The following NAV3 variants were observed in gnomAD, a reference collection of about 807,000 sequenced individuals.
NAV3 encodes the protein pore membrane and/or filament interacting like protein 1.
Under a neutral mutation model 244.7 loss-of-function variants are expected in NAV3, and 87 were observed. That is an observed-to-expected ratio of 0.36 (90% CI 0.30 to 0.42). The LOEUF (loss-of-function observed/expected upper bound fraction) is 0.42. Ranked by LOEUF, NAV3 falls within the 20% of genes least tolerant of loss-of-function variation. NAV3 has a pLI of 1.00. For synonymous variants in NAV3, 1,126 were observed against 1,042.2 expected (o/e 1.08, Z -1.55); for missense variants, 2,663 against 2,893.3 (o/e 0.92, Z 1.83).
At chr12:78,173,538 T>A (rs2595028) in intron 24 of NAV3, among the ~76,000 whole-genome samples, 7,392 of 151,704 alleles carry the variant, frequency 0.049, 193 homozygotes, top group Non-Finnish European at 0.071. Context: ...AAGAAATACC[T>A]ACACATATTC....
At chr12:78,169,743 C>T (rs1957927589) in intron 24 of NAV3, among the ~76,000 whole-genome samples, 1 of 151,704 alleles carries the variant, frequency 6.6e-6, no homozygotes, top group African/African-American at 2.4e-5. Context: ...CAATGCTCTC[C>T]AGGATCAGCA....
chr12:78,167,132 C>T (rs967430486), intron 23 of NAV3, among the ~76,000 whole-genome samples: 11 of 151,466 alleles, frequency 7.3e-5, no homozygotes, highest in South Asian at 4.2e-4. Context: ...TATTAAGTTT[C>T]GGTAAAATCT....
intron 1 of NAV3, among the ~76,000 whole-genome samples, chr12:77,853,084 A>G (rs1394824369): frequency 6.6e-6 from 1 of 152,212 alleles, no homozygotes; most frequent in Admixed American, 6.5e-5. Context: ...GTTGTACCAG[A>G]TTGCTTTCTT....
At chr12:77,689,770 A>G (rs1045173439) in intron 2 of NAV3, among the ~76,000 whole-genome samples, 5 of 151,880 alleles carry the variant, frequency 3.3e-5, no homozygotes, top group African/African-American at 1.2e-4. Flanking sequence ...TTAAGGCAAT[A>G]ATTAAAATGG....
chr12:77,762,268 G>A (rs1052270485), intron 2 of NAV3, among the ~76,000 whole-genome samples: 1 of 152,096 alleles, frequency 6.6e-6, no homozygotes, highest in East Asian at 1.9e-4. Flanking sequence ...TCACACATCG[G>A]GGCCTGTCGG....
upstream of NAV3, among the ~76,000 whole-genome samples, chr12:77,827,719 C>G (rs938369009): frequency 2.0e-5 from 3 of 152,136 alleles, no homozygotes; most frequent in African/African-American, 7.2e-5. Flanking sequence ...TGAACACTTA[C>G]TATGTGGAAA....
At chr12:78,089,002 C>T (rs1953782037) in intron 12 of NAV3, among the ~76,000 whole-genome samples, 1 of 152,156 alleles carries the variant, frequency 6.6e-6, no homozygotes, top group South Asian at 2.1e-4. Flanking sequence ...TCATTGATCT[C>T]TTAGCATTTG....
chr12:77,856,840 A>G (rs1878462028), intron 1 of NAV3, among the ~76,000 whole-genome samples: 1 of 152,158 alleles, frequency 6.6e-6, no homozygotes, highest in Admixed American at 6.5e-5. Context: ...TCAATTCAAA[A>G]TAAGCAGTTA....
intron 18 of NAV3, among the ~76,000 whole-genome samples, chr12:78,135,896 T>G (rs1309637285): frequency 6.6e-6 from 1 of 152,170 alleles, no homozygotes; most frequent in South Asian, 2.1e-4. Flanking sequence ...TTCTTCCTTT[T>G]CCATTACATT....
chr12:77,815,876 G>A (rs1872510608), intron 2 of NAV3, among the ~76,000 whole-genome samples: 1 of 152,048 alleles, frequency 6.6e-6, no homozygotes, highest in Non-Finnish European at 1.5e-5. Context: ...AGAAAACTGG[G>A]TAATTTTATA....
intron 7 of NAV3, among the ~76,000 whole-genome samples, chr12:78,004,057 C>T (rs899941358): frequency 6.6e-6 from 1 of 152,154 alleles, no homozygotes; most frequent in Non-Finnish European, 1.5e-5. Context: ...AAAGAAGAGA[C>T]AGTGAAAATC....
chr12:77,743,467 AAAAAC>A (rs1457516451), intron 2 of NAV3, among the ~76,000 whole-genome samples: 2 of 151,876 alleles, frequency 1.3e-5, no homozygotes, highest in Non-Finnish European at 2.9e-5. Flanking sequence ...AAGGAGATAT[AAAAAC>A]ATATGTCCAC....
intron 1 of NAV3, among the ~76,000 whole-genome samples, chr12:77,892,637 A>G (rs536858798): frequency 1.2e-3 from 178 of 152,138 alleles, no homozygotes; most frequent in African/African-American, 4.0e-3. Context: ...GGATGGTCTC[A>G]ATCTCCTGAC....
At chr12:77,814,094 G>A (rs764738987) in intron 2 of NAV3, among the ~76,000 whole-genome samples, 12 of 151,940 alleles carry the variant, frequency 7.9e-5, no homozygotes, top group East Asian at 7.7e-4. Flanking sequence ...TCTGTGTTTC[G>A]GCAAGCCCTC....
chr12:77,690,190 G>A (rs900809693), intron 2 of NAV3, among the ~76,000 whole-genome samples: 1 of 151,742 alleles, frequency 6.6e-6, no homozygotes, highest in African/African-American at 2.4e-5. Context: ...AACTGGGGCT[G>A]AATATTTTCA....
At chr12:77,787,080 C>G (rs1870938015) in intron 2 of NAV3, among the ~76,000 whole-genome samples, 1 of 152,058 alleles carries the variant, frequency 6.6e-6, no homozygotes, top group African/African-American at 2.4e-5. Context: ...AATGCCATGA[C>G]AGCTGGGAAG....
intron 1 of NAV3, among the ~76,000 whole-genome samples, chr12:77,884,633 G>A (rs73142024): frequency 1.1e-4 from 16 of 151,930 alleles, no homozygotes; most frequent in Admixed American, 8.5e-4. Flanking sequence ...ATCCAAACAG[G>A]ATCTCAGCTG....
At chr12:78,065,601 C>T (rs763654722) in intron 12 of NAV3, among the ~76,000 whole-genome samples, 2 of 152,068 alleles carry the variant, frequency 1.3e-5, no homozygotes, top group Non-Finnish European at 2.9e-5. Flanking sequence ...CTATACAATT[C>T]CATGGATAAG....
chr12:77,956,725 CTTATTTAT>C (rs111942943), intron 3 of NAV3, among the ~76,000 whole-genome samples: 119,773 of 149,484 alleles, frequency 0.8, 48,258 homozygotes, highest in East Asian at 0.98. Flanking sequence ...TAAAATCCAA[CTTATTTAT>C]TTATTTATTT....
Sources: allele counts gnomAD v4.1 joint callset (sites outside exome capture counted in the v4.1 genomes callset), GRCh38; gene constraint gnomAD v4.1.1; transcripts MANE v1.5; gene names NCBI Gene and HGNC (gene_info 2026-07-23, HGNC 2026-07-21).